The following SNX24 variants were observed in gnomAD, a reference collection of about 807,000 sequenced individuals.
SNX24 encodes sorting nexin-24.
Under a neutral mutation model 28.7 loss-of-function variants are expected in SNX24, and 22 were observed. The observed-to-expected ratio is 0.77, with a 90% CI of 0.55 to 1.10. The LOEUF (loss-of-function observed/expected upper bound fraction) is 1.10, where lower values mean the gene tolerates loss of function less well. Among genes scored for constraint, SNX24 ranks in the 50% least tolerant of loss-of-function variants. The pLI, the probability that SNX24 is intolerant of heterozygous loss-of-function variation, is 0.00. For synonymous variants in SNX24, 69 were observed against 71.5 expected (o/e 0.96, Z 0.18); for missense variants, 221 against 201.1 (o/e 1.10, Z -0.60).
At position 123,009,009 on chromosome 5, in the gene SNX24, G is replaced by A. The variant is rs977514285; in HGVS notation, c.*1260G>A. 10 of 985,672 alleles carry A rather than the reference G, an allele frequency of 1.0e-5. No homozygotes were observed. The African/African-American group carries it at 1.7e-4, about 17-fold the overall frequency. The allele number at this position is 985,672 out of a possible 1,614,324, so 61.1% of individuals were successfully genotyped here. ...TAACTACATCATGGTTTTTGATTAG[G>A]ATCTAAATATTCAGGTTTTAAGCCT... On this transcript the variant is annotated 3_prime_UTR_variant, in exon 7 of 7. Transcript: ENST00000261369.
At chr5:122,903,529 G>A (rs1159521941) in intron 1 of SNX24, among the ~76,000 whole-genome samples, 1 of 152,184 alleles carries the variant, frequency 6.6e-6, no homozygotes, top group African/African-American at 2.4e-5. Flanking sequence ...TGACTGACCT[G>A]CAAATCATGC....
chr5:122,880,845 C>A (rs1412370510), intron 1 of SNX24, among the ~76,000 whole-genome samples: 1 of 152,136 alleles, frequency 6.6e-6, no homozygotes, highest in Non-Finnish European at 1.5e-5. Context: ...GTAAACTAAC[C>A]ACAACCAGCA....
intron 3 of SNX24, among the ~76,000 whole-genome samples, chr5:122,968,415 T>C (rs1349939552): frequency 6.6e-6 from 1 of 152,172 alleles, no homozygotes; most frequent in Non-Finnish European, 1.5e-5. Flanking sequence ...TAGGAAGAGT[T>C]TGGGTGGGTC....
intron 1 of SNX24, among the ~76,000 whole-genome samples, chr5:122,935,428 T>C (rs1759140103): frequency 6.6e-6 from 1 of 152,166 alleles, no homozygotes. Context: ...GCATATGGTT[T>C]TAGAAGAAAA....
intron 1 of SNX24, among the ~76,000 whole-genome samples, chr5:122,910,596 C>T (rs1757838580): frequency 6.8e-6 from 1 of 147,854 alleles, no homozygotes; most frequent in Non-Finnish European, 1.5e-5. Context: ...TTAGGTATAT[C>T]TCCTAATGCT....
At chr5:122,964,497 C>A (rs545895218) in intron 3 of SNX24, among the ~76,000 whole-genome samples, 1 of 151,862 alleles carries the variant, frequency 6.6e-6, no homozygotes, top group Non-Finnish European at 1.5e-5. Context: ...GTCTTTTTCT[C>A]GTGCATGTTT....
At chr5:122,993,720 CTCTTAGGTTTGGG>C (rs1761951741) in intron 3 of SNX24, among the ~76,000 whole-genome samples, 1 of 152,146 alleles carries the variant, frequency 6.6e-6, no homozygotes, top group Non-Finnish European at 1.5e-5. Flanking sequence ...CCTCTGTGAG[CTCTTAGGTTTGGG>C]TCCCAGAGGA....
At chr5:122,885,970 C>T (rs1453277482) in intron 1 of SNX24, among the ~76,000 whole-genome samples, 3 of 147,420 alleles carry the variant, frequency 2.0e-5, no homozygotes, top group East Asian at 2.1e-4. Flanking sequence ...GAATCTAATG[C>T]CCCCGCTGAT....
intron 1 of SNX24, among the ~76,000 whole-genome samples, chr5:122,868,014 C>T (rs1386545237): frequency 6.6e-6 from 1 of 152,210 alleles, no homozygotes; most frequent in Non-Finnish European, 1.5e-5. Flanking sequence ...CACCACTTTG[C>T]TTCAAAGATA....
chr5:122,927,028 A>G (rs540173220), intron 1 of SNX24, among the ~76,000 whole-genome samples: 26 of 152,392 alleles, frequency 1.7e-4, no homozygotes, highest in South Asian at 1.0e-3. Flanking sequence ...AGCAATGGTT[A>G]GAAGTTAATA....
intron 3 of SNX24, among the ~76,000 whole-genome samples, chr5:122,981,575 A>G (rs1275831443): frequency 6.6e-6 from 1 of 152,252 alleles, no homozygotes; most frequent in Non-Finnish European, 1.5e-5. Flanking sequence ...TATTTGCCTC[A>G]TGCCCATAGA....
Position 122,851,453 on chromosome 5 carries a change from C to T in SNX24, c.60+5760C>T, listed in dbSNP as rs188143043. Among the ~76,000 whole-genome samples, 333 of 152,140 alleles carry T rather than the reference C, an allele frequency of 2.2e-3. 2 individuals are homozygous for T. Among genetic ancestry groups the T allele is most frequent in the African/African-American group, 7.4e-3 (309 of 41,548 alleles). On this transcript the variant is annotated intron_variant, in intron 1 of 6. Transcript: ENST00000261369. ...AAGTGCTGGGATTACAGGCATGAGC[C>T]ACCACACCCAGACTTAGACTTCAGT...
At chr5:123,017,327 A>T (rs1389494366) in intron 5 of SNX24, among the ~76,000 whole-genome samples, 1 of 150,228 alleles carries the variant, frequency 6.7e-6, no homozygotes, top group African/African-American at 2.5e-5. Context: ...GCTCATGTGC[A>T]CCTCCCCTGG....
intron 5 of SNX24, 127 bp from the exon 6 acceptor site, chr5:123,001,813 C>G: frequency 1.3e-6 from 1 of 757,094 alleles, no homozygotes; most frequent in Non-Finnish European, 2.4e-6. Context: ...ATTATTCACC[C>G]ACACTGTTAG....
chr5:122,866,512 C>A (rs533831199), intron 1 of SNX24, among the ~76,000 whole-genome samples: 1 of 152,174 alleles, frequency 6.6e-6, no homozygotes, highest in Non-Finnish European at 1.5e-5. Context: ...CAAGCACCTC[C>A]GCCGGTTGTG....
intron 3 of SNX24, among the ~76,000 whole-genome samples, chr5:122,960,366 A>T (rs1411395970): frequency 1.3e-5 from 2 of 152,206 alleles, no homozygotes; most frequent in Non-Finnish European, 2.9e-5. Flanking sequence ...AGTTTGTAGC[A>T]CTAAACTACA....
chr5:123,009,276 CACAT>C (rs1353229813), downstream of SNX24: 3 of 942,792 alleles, frequency 3.2e-6, no homozygotes, highest in African/African-American at 1.8e-5. Flanking sequence ...CACACACACA[CACAT>C]ATGTGCACAC....
intron 3 of SNX24, among the ~76,000 whole-genome samples, chr5:122,958,339 C>T (rs1350537691): frequency 6.6e-6 from 1 of 152,020 alleles, no homozygotes; most frequent in African/African-American, 2.4e-5. Context: ...CTGCAACCTC[C>T]ACCTCCCAGG....
intron 1 of SNX24, among the ~76,000 whole-genome samples, chr5:122,930,458 G>A (rs1468742774): frequency 6.6e-6 from 1 of 152,174 alleles, no homozygotes; most frequent in East Asian, 1.9e-4. Context: ...CAGAGAAAAA[G>A]TTTAGGGTCA....
Sources: allele counts gnomAD v4.1 joint callset (sites outside exome capture counted in the v4.1 genomes callset), GRCh38; gene constraint gnomAD v4.1.1; transcripts MANE v1.5; gene names NCBI Gene and HGNC (gene_info 2026-07-23, HGNC 2026-07-21).